HEMGN: variants seen among roughly 807,000 people sequenced by gnomAD.
The protein encoded by HEMGN is hemogen, also known as erythroid differentiation-associated gene protein.
Under a neutral mutation model 45.7 loss-of-function variants are expected in HEMGN, and 32 were observed. That is an observed-to-expected ratio of 0.70 (90% CI 0.53 to 0.94). The LOEUF is 0.94. Ranked by LOEUF, HEMGN falls within the 40% of genes least tolerant of loss-of-function variation. The pLI is 0.00. For synonymous variants in HEMGN, 183 were observed against 178.6 expected, an observed-to-expected ratio of 1.02 and a Z score of -0.20; for missense variants, 530 against 564.2, an observed-to-expected ratio of 0.94 and a Z score of 0.61.
intron 2 of HEMGN, 106 bp from the exon 3 acceptor site, chr9:97,931,327 G>A: frequency 1.3e-6 from 1 of 774,544 alleles, no homozygotes; most frequent in East Asian, 2.5e-5. Flanking sequence ...CAAGTATCAT[G>A]AACTAGTCAC....
At position 97,930,413 on chromosome 9, in the gene HEMGN, T is replaced by G; in HGVS notation, c.982A>C (p.Thr328Pro). 6.2e-7 allele frequency: 1 copy of G among 1,614,126 alleles called. No individual in the cohort carries two copies. The highest frequency in any genetic ancestry group is 8.5e-7 in the Non-Finnish European group (1 of 1,180,010). The change falls in exon 3 of 4, where the codon ACA (threonine) becomes CCA (proline). Residue 328 changes from threonine (T) to proline (P), a missense_variant. Physicochemically the swap from Thr to Pro is conservative, Grantham distance 38. Transcript: ENST00000616898. The part of the protein sequence containing the change: ...SAEPKYLPHK[T>P]CNEIIVPKAP... ...TTAGGCACAATAATTTCGTTACATG[T>G]TTTATGAGGAAGGTATTTAGGTTCA...
chr9:97,940,657 C>T (rs1827139110), upstream of HEMGN, among the ~76,000 whole-genome samples: 1 of 152,164 alleles, frequency 6.6e-6, no homozygotes, highest in African/African-American at 2.4e-5. Context: ...GTGTGTTAGG[C>T]ATTAAAGTCC....
rs199724877 is a variant in HEMGN at position 97,937,960 on chromosome 9, C to CTT, written c.79+96_79+97dup. Reference sequence around the variant, plus strand: ...AGTCTCATTAGCTTTCATTTATTTCCTTTTTTTTTTTTTTTGGCCAGATCC... The same window carrying CTT: ...AGTCTCATTAGCTTTCATTTATTTCCTTTTTTTTTTTTTTTTTGGCCAGATCC... On this transcript the variant is annotated intron_variant, in intron 1 of 3. Transcript: ENST00000616898. 3,990 of 498,328 alleles carry CTT rather than the reference C, an allele frequency of 8.0e-3. 6 individuals are homozygous for CTT. Among genetic ancestry groups the CTT allele is most frequent in the Non-Finnish European group, 9.6e-3 (2,670 of 278,414 alleles). The allele number at this position is 498,328 out of a possible 1,614,324, so 30.9% of individuals were successfully genotyped here.
intron 2 of HEMGN, 97 bp from the exon 3 acceptor site, chr9:97,931,318 A>G (rs1361714031): frequency 4.7e-6 from 4 of 849,758 alleles, no homozygotes; most frequent in Non-Finnish European, 7.3e-6. Context: ...CTCATTGCAC[A>G]AGTATCATGA....
At chr9:97,932,171 T>C (rs190519559) in intron 2 of HEMGN, among the ~76,000 whole-genome samples, 1 of 152,224 alleles carries the variant, frequency 6.6e-6, no homozygotes, top group Admixed American at 6.5e-5. Context: ...AGGCAAGGAA[T>C]GTAGGCTGCC....
chr9:97,934,912 A>G (rs1827029711), intron 2 of HEMGN, among the ~76,000 whole-genome samples: 1 of 152,140 alleles, frequency 6.6e-6, no homozygotes, highest in African/African-American at 2.4e-5. Context: ...CTGAGCTCTG[A>G]GCCAGCGGGG....
intron 1 of HEMGN, among the ~76,000 whole-genome samples, chr9:97,937,682 T>C (rs1356083824): frequency 1.3e-5 from 2 of 151,452 alleles, no homozygotes; most frequent in Non-Finnish European, 3.0e-5. Flanking sequence ...AAGAGATCCA[T>C]GTAGCAAAAA....
In HEMGN at chr9:97,930,184, C is replaced by G; in HGVS notation, c.1211G>C (p.Gly404Ala). The G allele has an allele frequency of 6.2e-7, 1 of 1,613,832 alleles. No homozygotes were observed. The highest frequency in any genetic ancestry group is 8.5e-7 in the Non-Finnish European group (1 of 1,179,958). The change falls in exon 3 of 4, where the codon GGG (glycine) becomes GCG (alanine). Residue 404 changes from glycine (G) to alanine (A), a missense_variant. Coordinates refer to ENST00000616898, the MANE Select transcript of HEMGN (RefSeq NM_197978.3). Reference protein sequence around the residue: ...YSPEIYQETPGPEDLSTETYK... With the variant: ...YSPEIYQETPAPEDLSTETYK... ...TGTCTCAGTAGAGAGGTCTTCAGGC[C>G]CCGGTGTTTCTTGGTATATTTCAGG...
At chr9:97,944,439 T>G (rs1269689289) in intron 1 of HEMGN, among the ~76,000 whole-genome samples, 1 of 152,204 alleles carries the variant, frequency 6.6e-6, no homozygotes, top group Non-Finnish European at 1.5e-5. Flanking sequence ...GTGTCCCACA[T>G]GCTCATTCCA....
intron 1 of HEMGN, 93 bp downstream of exon 1, chr9:97,937,960 CTTTTT>C (rs199724877): frequency 7.6e-5 from 38 of 500,382 alleles, no homozygotes; most frequent in Middle Eastern, 3.3e-4. Flanking sequence ...CATTTATTTC[CTTTTT>C]TTTTTTTTTT....
intron 1 of HEMGN, among the ~76,000 whole-genome samples, chr9:97,944,051 A>C (rs1216360474): frequency 6.6e-6 from 1 of 151,844 alleles, no homozygotes. Context: ...TAGGTATGGG[A>C]GGTGTTTTCC....
At chr9:97,933,324 TTTAG>T (rs1241453632) in intron 2 of HEMGN, among the ~76,000 whole-genome samples, 1 of 152,334 alleles carries the variant, frequency 6.6e-6, no homozygotes, top group Non-Finnish European at 1.5e-5. Context: ...GTTTAAATAA[TTTAG>T]TTATTTTGTT....
intron 1 of HEMGN, among the ~76,000 whole-genome samples, chr9:97,944,169 T>C (rs1290539029): frequency 2.0e-5 from 3 of 152,272 alleles, no homozygotes; most frequent in Non-Finnish European, 2.9e-5. Context: ...TAAATATGTC[T>C]GAGTTCTAAG....
chr9:97,930,454 G>C lies in HEMGN; in HGVS notation c.941C>G (p.Thr314Arg), dbSNP rs760011501. The C allele has an allele frequency of 6.2e-7, 1 of 1,614,132 alleles. No individual in the cohort carries two copies. The highest frequency in any genetic ancestry group is 1.1e-5 in the South Asian group (1 of 91,074). ...TTTAGGTTCAGCTGATTCTTGGTGT[G>C]TTTTTGTAGAAAGGTCTTTAGGCTC... ...IAEPKDLSTK[T>R]HQESAEPKYL... is the part of the protein sequence containing the mutation. Residue 314 changes from threonine to arginine, a missense_variant, in exon 3 of 4, where the codon ACA becomes AGA. By Grantham distance (71) the Thr-to-Arg change is moderately conservative (BLOSUM62 -1). Transcript: ENST00000616898.
chr9:97,933,460 G>A (rs1403806763), intron 2 of HEMGN, among the ~76,000 whole-genome samples: 4 of 152,162 alleles, frequency 2.6e-5, no homozygotes, highest in Non-Finnish European at 5.9e-5. Context: ...TGATAATCAA[G>A]CCATATACAT....
At chr9:97,938,722 T>C (rs2131558118), upstream of HEMGN, among the ~76,000 whole-genome samples, 1 of 152,324 alleles carries the variant, frequency 6.6e-6, no homozygotes. Flanking sequence ...TGTATGTAGC[T>C]TTTTTCACCT....
In HEMGN at chr9:97,933,049, T is replaced by TC. The variant is rs1826986426; in HGVS notation, c.174-1829dup. ...CTGAGTAATGTAATAGTCCATGTCT[T>TC]CCCAGGTAGTTTTTCAAAAAATGCA... is the stretch of plus-strand genomic sequence containing the variant. On this transcript the variant is annotated intron_variant, in intron 2 of 3. Transcript: ENST00000616898. Among the ~76,000 whole-genome samples the TC allele has an allele frequency of 4.6e-5, 7 of 152,288 alleles. 1 individual carries two copies. In the South Asian group the frequency reaches 1.5e-3, roughly 32 times the overall value.
At chr9:97,932,945 A>C (rs1474919708) in intron 2 of HEMGN, among the ~76,000 whole-genome samples, 1 of 152,246 alleles carries the variant, frequency 6.6e-6, no homozygotes, top group African/African-American at 2.4e-5. Flanking sequence ...TAGTAATCCA[A>C]GTTCCTTAGG....
chr9:97,938,311 T>G (rs1827099475), upstream of HEMGN: 1 of 602,818 alleles, frequency 1.7e-6, no homozygotes, highest in Non-Finnish European at 2.9e-6. Context: ...TGCAGGCTAA[T>G]TCTACTATCT....
Sources: gnomAD v4.1 joint callset for allele counts (sites outside exome capture counted in the v4.1 genomes callset) on GRCh38, gnomAD v4.1.1 for gene constraint, MANE v1.5 for transcripts, NCBI Gene and HGNC (gene_info 2026-07-23, HGNC 2026-07-21) for gene names.